ZMYND8: variants seen among roughly 807,000 people sequenced by gnomAD.
ZMYND8 encodes MYND-type zinc finger-containing chromatin reader ZMYND8.
A neutral mutation model predicts 140.8 loss-of-function variants in ZMYND8; 37 were observed. That is an observed-to-expected ratio of 0.26 (90% CI 0.20 to 0.35). ZMYND8 has a LOEUF of 0.35. Ranked by LOEUF, ZMYND8 falls within the 10% of genes least tolerant of loss-of-function variation. The probability of loss-of-function intolerance (pLI) is 1.00; values close to 1 mark genes in which losing one functional copy is unlikely to be tolerated. For synonymous variants in ZMYND8, 592 were observed against 597.1 expected, an observed-to-expected ratio of 0.99 and a Z score of 0.12; for missense variants, 1,068 against 1,570.0, an observed-to-expected ratio of 0.68 and a Z score of 5.40.
intron 3 of ZMYND8, among the ~76,000 whole-genome samples, chr20:47,302,361 G>A (rs1569143883): frequency 6.6e-6 from 1 of 151,944 alleles, no homozygotes; most frequent in Non-Finnish European, 1.5e-5. Context: ...TGCTACTCAG[G>A]AGGCTGAGGC....
At chr20:47,320,751 A>T (rs2079875443) in intron 2 of ZMYND8, 1 of 152,236 alleles carries the variant, frequency 6.6e-6, no homozygotes, top group African/African-American at 2.4e-5. Flanking sequence ...GATGCTTAAC[A>T]TCACTCAGAT....
At chr20:47,225,766 G>C (rs2037629619) in intron 18 of ZMYND8, among the ~76,000 whole-genome samples, 1 of 151,618 alleles carries the variant, frequency 6.6e-6, no homozygotes, top group South Asian at 2.1e-4. Context: ...CTAAGTTTTG[G>C]CCAGCCCACA....
intron 5 of ZMYND8, 70 bp downstream of exon 5, chr20:47,294,596 G>T: frequency 2.1e-6 from 3 of 1,451,792 alleles, no homozygotes; most frequent in Non-Finnish European, 2.9e-6. Flanking sequence ...AAAAAGCTAA[G>T]CTATTAACAG....
chr20:47,227,278 G>A lies in ZMYND8; in HGVS notation c.2941C>T (p.Arg981Cys), dbSNP rs749035523. Residue 981 changes from arginine (R) to cysteine (C), a missense_variant, in exon 18 of 23, where the codon CGC (arginine) becomes TGC (cysteine). By Grantham distance (180) the Arg-to-Cys change is radical. This residue lies in a region of ZMYND8 where 87 missense variants were observed against 151.1 expected (regional missense o/e 0.58). Transcript: ENST00000471951. The part of the protein sequence containing the change: ...NTTGSTIAEI[R>C]RLRIEIEKLQ... The stretch of plus-strand genomic sequence containing the variant: ...TTCTCTATCTCGATCCTCAGCCTGC[G>A]AATCTGGAAGAGGGAGAGTGAGCGT... 2 of 1,614,146 alleles carry A rather than the reference G, an allele frequency of 1.2e-6. No individual in the cohort carries two copies. The highest frequency in any genetic ancestry group is 1.1e-5 in the South Asian group (1 of 91,080).
rs770865032 is a variant in ZMYND8 at position 47,210,412 on chromosome 20, CTTTT to C, written c.*345_*348del. The C allele has an allele frequency of 2.0e-5, 2 of 102,478 alleles. No homozygotes were observed. Among genetic ancestry groups the C allele is most frequent in the Non-Finnish European group, 4.0e-5 (2 of 50,606 alleles). The allele number at this position is 102,478 out of a possible 1,614,324, so 6.3% of individuals were successfully genotyped here. A position where few individuals can be genotyped will look rare whatever the true frequency, so the allele number is the denominator to read the frequency against. On this transcript the variant is annotated 3_prime_UTR_variant, in exon 23 of 23. Transcript: ENST00000471951. ...TCTTTTTTGTTGTTGGGGTTGGTTG[CTTTT>C]TTTTTTTTTTTTAAATCGTTTTTCT...
chr20:47,215,835 G>A (rs2146830109), intron 21 of ZMYND8, among the ~76,000 whole-genome samples: 1 of 152,318 alleles, frequency 6.6e-6, no homozygotes, highest in East Asian at 1.9e-4. Context: ...GCGACACGTG[G>A]CTAGTGGCTA....
intron 3 of ZMYND8, among the ~76,000 whole-genome samples, chr20:47,302,443 C>A (rs567991583): frequency 6.6e-6 from 1 of 152,164 alleles, no homozygotes; most frequent in East Asian, 1.9e-4. Flanking sequence ...AGCGAAAGAG[C>A]GAGACATCAT....
intron 2 of ZMYND8, 152 bp downstream of exon 2, chr20:47,347,704 G>A (rs1365086730): frequency 2.7e-6 from 2 of 741,380 alleles, no homozygotes; most frequent in Non-Finnish European, 2.2e-6. Flanking sequence ...CCATCAATTA[G>A]GTTCATCCAT....
chr20:47,268,092 G>T (rs2075662473), intron 11 of ZMYND8, among the ~76,000 whole-genome samples: 1 of 152,136 alleles, frequency 6.6e-6, no homozygotes, highest in Admixed American at 6.5e-5. Context: ...CACTGAATGA[G>T]CAGTGCATAA....
chr20:47,272,312 C>T (rs1264832336), intron 11 of ZMYND8, among the ~76,000 whole-genome samples: 3 of 151,946 alleles, frequency 2.0e-5, no homozygotes, highest in Non-Finnish European at 2.9e-5. Context: ...CTCCTGACCT[C>T]GTGATCCGCT....
At chr20:47,242,667 G>C (rs1327257701) in intron 14 of ZMYND8, among the ~76,000 whole-genome samples, 2 of 152,222 alleles carry the variant, frequency 1.3e-5, no homozygotes, top group African/African-American at 4.8e-5. Flanking sequence ...CAGGGCGGAG[G>C]GGTTACTGCT....
chr20:47,224,760 G>A (rs921042518), intron 18 of ZMYND8, among the ~76,000 whole-genome samples: 2 of 152,196 alleles, frequency 1.3e-5, no homozygotes, highest in Admixed American at 6.5e-5. Context: ...GCTGCCTGTT[G>A]AGAGTGGACA....
At chr20:47,334,857 G>T (rs2081271233) in intron 2 of ZMYND8, among the ~76,000 whole-genome samples, 1 of 151,410 alleles carries the variant, frequency 6.6e-6, no homozygotes, top group Non-Finnish European at 1.5e-5. Context: ...TGATCCACCC[G>T]CCTCGGCCTC....
At position 47,239,155 on chromosome 20, in the gene ZMYND8, G is replaced by T; in HGVS notation, c.2285-17C>A. ...TACCTACAACTAGCCAATGCATGAA[G>T]AAAAAACAAACAAAAACCGGATTTC... On this transcript the variant is annotated splice_polypyrimidine_tract_variant and intron_variant, in intron 14 of 22. Coordinates refer to ENST00000471951, the MANE Select transcript of ZMYND8 (RefSeq NM_001281775.3). 1 of 1,482,866 alleles carries T rather than the reference G, an allele frequency of 6.7e-7. No homozygotes were observed. Among genetic ancestry groups the T allele is most frequent in the Non-Finnish European group, 8.9e-7 (1 of 1,121,924 alleles). 91.9% of individuals were successfully genotyped at this position (1,482,866 alleles called of 1,614,324 possible).
intron 11 of ZMYND8, among the ~76,000 whole-genome samples, chr20:47,276,033 T>C (rs371111582): frequency 1.3e-5 from 2 of 152,206 alleles, no homozygotes; most frequent in Admixed American, 6.5e-5. Context: ...AAGTCAATAA[T>C]CCAAAATGCA....
At chr20:47,260,613 A>C (rs1019172577) in intron 12 of ZMYND8, among the ~76,000 whole-genome samples, 5 of 152,158 alleles carry the variant, frequency 3.3e-5, no homozygotes, top group African/African-American at 1.2e-4. Flanking sequence ...CCTCTCAAAG[A>C]GGCCCCGTTT....
chr20:47,288,317 C>T (rs2077044351), intron 7 of ZMYND8, among the ~76,000 whole-genome samples: 2 of 152,018 alleles, frequency 1.3e-5, no homozygotes, highest in African/African-American at 4.8e-5. Flanking sequence ...TTCTACCTGA[C>T]CTCATCCACT....
chr20:47,345,569 G>A (rs868085624), intron 2 of ZMYND8, among the ~76,000 whole-genome samples: 9 of 150,904 alleles, frequency 6.0e-5, no homozygotes, highest in South Asian at 2.1e-4. Context: ...GTGCAAAGGC[G>A]TGGTCTTGGC....
intron 14 of ZMYND8, among the ~76,000 whole-genome samples, chr20:47,239,960 A>G (rs1471461349): frequency 6.6e-6 from 1 of 152,212 alleles, no homozygotes; most frequent in Non-Finnish European, 1.5e-5. Context: ...AATGAGGCCA[A>G]GCACGGTGGC....
Sources: gnomAD v4.1 joint callset for allele counts (sites outside exome capture counted in the v4.1 genomes callset) on GRCh38, gnomAD v4.1.1 for gene constraint, gnomAD v4.1.1 regional missense constraint, MANE v1.5 for transcripts, NCBI Gene and HGNC (gene_info 2026-07-23, HGNC 2026-07-21) for gene names.